Variants in TNKS observed in about 807,000 individuals in gnomAD.
TNKS encodes poly [ADP-ribose] polymerase tankyrase-1.
Under a neutral mutation model 135.8 loss-of-function variants are expected in TNKS, and 72 were observed. That is an observed-to-expected ratio of 0.53 (90% CI 0.44 to 0.64). The LOEUF (loss-of-function observed/expected upper bound fraction) is 0.64, where lower values mean the gene tolerates loss of function less well. TNKS is among the 30% of genes least tolerant of loss of function. The pLI, the probability that TNKS is intolerant of heterozygous loss-of-function variation, is 0.00. For synonymous variants in TNKS, 849 were observed against 649.3 expected, an observed-to-expected ratio of 1.31 and a Z score of -4.68; for missense variants, 1,769 against 1,674.0, an observed-to-expected ratio of 1.06 and a Z score of -0.99.
chr8:9,708,649 G>C (rs1341312616), intron 9 of TNKS, among the ~76,000 whole-genome samples, 157 bp downstream of exon 9: 5 of 151,908 alleles, frequency 3.3e-5, no homozygotes, highest in African/African-American at 1.2e-4. Context: ...ACTTAGTTTG[G>C]GGGGTGATTC....
At chr8:9,625,637 G>A (rs182830281) in intron 3 of TNKS, among the ~76,000 whole-genome samples, 131 of 151,984 alleles carry the variant, frequency 8.6e-4, no homozygotes, top group African/African-American at 2.8e-3. Context: ...TTGAGATTTC[G>A]TCTTTAACCC....
rs564619928 is a variant in TNKS, at chr8:9,565,780, C to A, written c.673+9168C>A. 1.1e-4 allele frequency among the ~76,000 whole-genome samples: 17 copies of A among 152,148 alleles called. 2 individuals carry two copies. The highest frequency in any genetic ancestry group is 4.1e-4 in the African/African-American group (17 of 41,498). On this transcript the variant is annotated intron_variant, in intron 1 of 26. Coordinates refer to ENST00000310430, the MANE Select transcript of TNKS (RefSeq NM_003747.3). ...GCTGAGGCAGGAGAATGGCGTGAACCCCGGAGGCAGAGCTTGCAGTGAGCC... is the reference window on the plus strand; with the variant it reads ...GCTGAGGCAGGAGAATGGCGTGAACACCGGAGGCAGAGCTTGCAGTGAGCC...
intron 3 of TNKS, among the ~76,000 whole-genome samples, chr8:9,666,625 C>T (rs1418540404): frequency 2.0e-5 from 3 of 151,258 alleles, no homozygotes; most frequent in Non-Finnish European, 4.4e-5. Context: ...GAGGATGAGG[C>T]ACAAGAATTG....
At chr8:9,582,596 T>TTTC (rs1798209360) in intron 2 of TNKS, among the ~76,000 whole-genome samples, 1 of 152,182 alleles carries the variant, frequency 6.6e-6, no homozygotes, top group African/African-American at 2.4e-5. Flanking sequence ...ACCCCACCAG[T>TTTC]TTCCAGCTGT....
At chr8:9,623,541 C>T (rs1472918194) in intron 3 of TNKS, among the ~76,000 whole-genome samples, 2 of 151,174 alleles carry the variant, frequency 1.3e-5, no homozygotes, top group Admixed American at 6.6e-5. Context: ...ATTAAAAATA[C>T]TTTATTGCTA....
intron 13 of TNKS, among the ~76,000 whole-genome samples, chr8:9,727,530 A>G (rs1333395039): frequency 1.3e-5 from 2 of 152,164 alleles, no homozygotes; most frequent in Non-Finnish European, 2.9e-5. Flanking sequence ...TACCCTGCCT[A>G]CTATCCAAGT....
intron 12 of TNKS, among the ~76,000 whole-genome samples, chr8:9,721,708 CATAGATA>C (rs1563190819): frequency 6.6e-6 from 1 of 152,050 alleles, no homozygotes; most frequent in Non-Finnish European, 1.5e-5. Flanking sequence ...AAGTGAAATT[CATAGATA>C]ATATGACCTA....
At chr8:9,564,261 C>T (rs941141095) in intron 1 of TNKS, among the ~76,000 whole-genome samples, 2 of 152,074 alleles carry the variant, frequency 1.3e-5, no homozygotes, top group African/African-American at 4.8e-5. Flanking sequence ...AGGTCACAGG[C>T]CAGGTGTTCT....
chr8:9,761,168 C>T (rs145745750), intron 20 of TNKS, among the ~76,000 whole-genome samples: 12 of 152,316 alleles, frequency 7.9e-5, no homozygotes, highest in African/African-American at 2.4e-4. Context: ...CTGGTGTTTT[C>T]CCATTTTCAA....
In TNKS at chr8:9,720,604, A is replaced by C. The variant is rs34480028; in HGVS notation, c.1921+59A>C. Reference sequence around the variant, plus strand: ...TTTTCTCTTCCATCCCTGCTGAAATACACAGACAAACTTTGCAGTGTTTAC... The same window carrying C: ...TTTTCTCTTCCATCCCTGCTGAAATCCACAGACAAACTTTGCAGTGTTTAC... On this transcript the variant is annotated intron_variant, in intron 12 of 26. Coordinates refer to ENST00000310430, the MANE Select transcript of TNKS (RefSeq NM_003747.3). 7.4e-5 allele frequency: 111 copies of C among 1,509,298 alleles called. 2 individuals carry two copies. In the South Asian group the frequency reaches 1.4e-3, roughly 18 times the overall value. The allele number at this position is 1,509,298 out of a possible 1,614,324, so 93.5% of individuals were successfully genotyped here.
Position 9,770,274 on chromosome 8 carries a change from A to G in TNKS, c.3897+12A>G. Reference sequence around the variant, plus strand: ...ACAGAGGAGAACAGGTATGTTACTCATCAAACAAGCATAACCAAGTTCACA... The same window carrying G: ...ACAGAGGAGAACAGGTATGTTACTCGTCAAACAAGCATAACCAAGTTCACA... On this transcript the variant is annotated intron_variant, in intron 26 of 26. Transcript: ENST00000310430. 2 of 1,601,610 alleles carry G rather than the reference A, an allele frequency of 1.2e-6. No homozygotes were observed. Among genetic ancestry groups the G allele is most frequent in the Non-Finnish European group, 1.7e-6 (2 of 1,171,172 alleles).
intron 3 of TNKS, among the ~76,000 whole-genome samples, chr8:9,617,919 AACTGTGT>A (rs1158988083): frequency 6.6e-6 from 1 of 151,852 alleles, no homozygotes. Flanking sequence ...CATTAGTCTA[AACTGTGT>A]ACAAGTATTT....
intron 20 of TNKS, among the ~76,000 whole-genome samples, chr8:9,758,769 T>C (rs910962779): frequency 5.9e-5 from 9 of 152,360 alleles, no homozygotes; most frequent in Admixed American, 5.2e-4. Context: ...AGTGACCTTA[T>C]GGAGTATTAC....
intron 2 of TNKS, among the ~76,000 whole-genome samples, chr8:9,605,720 G>T (rs1201538505): frequency 3.3e-5 from 5 of 151,958 alleles, no homozygotes; most frequent in Non-Finnish European, 5.9e-5. Context: ...TCTTTTCATG[G>T]ACTTACTAGT....
chr8:9,751,700 C>G lies in TNKS; in HGVS notation c.2924C>G (p.Ser975Cys). Reference sequence around the variant, plus strand: ...CCTCAGGCTACTGTAGTGAGTGCCTCTCTGATCTCACCAGCATCCACCCCC... The same window carrying G: ...CCTCAGGCTACTGTAGTGAGTGCCTGTCTGATCTCACCAGCATCCACCCCC... ...FKPQATVVSA[S>C]LISPASTPSC... The change falls in exon 19 of 27, where the codon TCT (serine) becomes TGT (cysteine). Residue 975 changes from serine (S) to cysteine (C), a missense_variant. Ser to Cys is a moderately radical substitution (Grantham distance 112). This residue lies in a region of TNKS where 722 missense variants were observed against 688.9 expected (regional missense o/e 1.05). Coordinates refer to ENST00000310430, the MANE Select transcript of TNKS (RefSeq NM_003747.3). 1.2e-6 allele frequency: 2 copies of G among 1,614,210 alleles called. No individual in the cohort carries two copies. The highest frequency in any genetic ancestry group is 1.7e-6 in the Non-Finnish European group (2 of 1,180,032).
intron 11 of TNKS, among the ~76,000 whole-genome samples, chr8:9,717,103 T>TATATATATATATATATATATTTATA (rs1554476739): frequency 2.5e-5 from 1 of 39,326 alleles, no homozygotes; most frequent in East Asian, 7.3e-4. Flanking sequence ...ATATATATAT[T>TATATATATATATATATATATTTATA]TTCAGGGAAT....
chr8:9,651,151 C>G (rs1801134259), intron 3 of TNKS, among the ~76,000 whole-genome samples: 1 of 151,966 alleles, frequency 6.6e-6, no homozygotes, highest in East Asian at 1.9e-4. Context: ...TTTCTGGGTC[C>G]TCTCTTCTGT....
At chr8:9,614,263 A>G (rs974911776) in intron 2 of TNKS, among the ~76,000 whole-genome samples, 6 of 152,232 alleles carry the variant, frequency 3.9e-5, no homozygotes, top group African/African-American at 7.2e-5. Context: ...GAATCAGTTT[A>G]TAAACATCTG....
chr8:9,664,298 G>A (rs79511855), intron 3 of TNKS, among the ~76,000 whole-genome samples: 5,593 of 152,148 alleles, frequency 0.037, 280 homozygotes, highest in African/African-American at 0.12. Context: ...CAAAGTGATG[G>A]AGAGGGAGGT....
Sources: allele counts gnomAD v4.1 joint callset (sites outside exome capture counted in the v4.1 genomes callset), GRCh38; gene constraint gnomAD v4.1.1; regional missense constraint gnomAD v4.1.1; transcripts MANE v1.5; gene names NCBI Gene and HGNC (gene_info 2026-07-23, HGNC 2026-07-21).